The following UBE4B variants were observed in gnomAD, a reference collection of about 807,000 sequenced individuals.
UBE4B encodes ubiquitination factor E4B.
In UBE4B, 27 loss-of-function variants were observed where a neutral mutation model predicts 148.1. The observed-to-expected ratio is 0.18, with a 90% CI of 0.13 to 0.25. UBE4B has a LOEUF of 0.25. Among genes scored for constraint, UBE4B ranks in the 10% least tolerant of loss-of-function variants. The pLI is 1.00. For missense variants in UBE4B, 1,170 were observed against 1,662.4 expected, an observed-to-expected ratio of 0.70 and a Z score of 5.15; for synonymous variants, 596 against 619.3, an observed-to-expected ratio of 0.96 and a Z score of 0.56.
At chr1:10,054,890 A>C (rs57841357) in intron 1 of UBE4B, 3,868 of 150,184 alleles carry the variant, frequency 0.026, 162 homozygotes, top group African/African-American at 0.092. Flanking sequence ...GGTTCAAGCG[A>C]TTCTCCTGCC....
intron 10 of UBE4B, among the ~76,000 whole-genome samples, chr1:10,122,523 A>G (rs1161750552): frequency 6.6e-6 from 1 of 152,228 alleles, no homozygotes; most frequent in Non-Finnish European, 1.5e-5. Flanking sequence ...TCTTCTTCCC[A>G]CTAGGAAAGA....
At chr1:10,103,312 A>G (rs1253815619) in intron 5 of UBE4B, 2 of 360,066 alleles carry the variant, frequency 5.6e-6, no homozygotes, top group Non-Finnish European at 5.0e-6. Context: ...TTTCTATAAT[A>G]CTATGTAAAT....
At chr1:10,128,074 C>G (rs1236695429) in intron 11 of UBE4B, among the ~76,000 whole-genome samples, 1 of 152,126 alleles carries the variant, frequency 6.6e-6, no homozygotes, top group East Asian at 1.9e-4. Flanking sequence ...GTATTGTTCT[C>G]CCTGTGGCAG....
In UBE4B at chr1:10,161,589, A is replaced by G. The variant is rs1646161071; in HGVS notation, c.3198+303A>G. On this transcript the variant is annotated intron_variant, in intron 23 of 27. Transcript: ENST00000343090. This position sits in a 1 kb window ranked among gnomAD's most constrained non-coding sequence, Gnocchi z 4.1. The stretch of plus-strand genomic sequence containing the variant: ...TGTCTGAATATATTAATATTCATGA[A>G]CATAATTAGGAAAGAAATCTCTAGA... 6.6e-6 allele frequency among the ~76,000 whole-genome samples: 1 copy of G among 152,244 alleles called. No individual in the cohort carries two copies. Among genetic ancestry groups the G allele is most frequent in the Non-Finnish European group, 1.5e-5 (1 of 68,034 alleles).
At chr1:10,089,289 G>A (rs574015653) in intron 2 of UBE4B, among the ~76,000 whole-genome samples, 1 of 152,334 alleles carries the variant, frequency 6.6e-6, no homozygotes, top group East Asian at 1.9e-4. Context: ...ACAGGCATGA[G>A]CCACCGTGCT....
At chr1:10,176,847 G>A (rs1179123280) in intron 25 of UBE4B, among the ~76,000 whole-genome samples, 3 of 143,674 alleles carry the variant, frequency 2.1e-5, no homozygotes, top group Admixed American at 7.2e-5. Context: ...GTGCAGTGGT[G>A]CGATCTCAGC....
chr1:10,127,570 A>G (rs1485512062), intron 11 of UBE4B, among the ~76,000 whole-genome samples: 1 of 152,260 alleles, frequency 6.6e-6, no homozygotes, highest in Non-Finnish European at 1.5e-5. Context: ...TTTTCGTTGC[A>G]GAAGTGTAAA....
At chr1:10,113,027 C>T (rs551927258) in intron 7 of UBE4B, among the ~76,000 whole-genome samples, 67 of 152,252 alleles carry the variant, frequency 4.4e-4, no homozygotes, top group African/African-American at 1.3e-3. Flanking sequence ...AGTCCATTTG[C>T]ATTGCCATAC....
intron 2 of UBE4B, among the ~76,000 whole-genome samples, chr1:10,095,074 G>A (rs976446702): frequency 1.3e-5 from 2 of 152,052 alleles, no homozygotes; most frequent in African/African-American, 2.4e-5. Flanking sequence ...CCACTGCATC[G>A]GCCTGGTTTA....
chr1:10,154,649 G>C (rs1646037516), intron 21 of UBE4B, among the ~76,000 whole-genome samples: 1 of 152,130 alleles, frequency 6.6e-6, no homozygotes, highest in South Asian at 2.1e-4. Context: ...GCTTAGTCTG[G>C]CCAAAATGGT....
chr1:10,152,435 C>G (rs1249345255), intron 21 of UBE4B, among the ~76,000 whole-genome samples: 3 of 151,992 alleles, frequency 2.0e-5, no homozygotes, highest in African/African-American at 7.3e-5. Context: ...CTATGAAACT[C>G]TCATGAGAAT....
At chr1:10,179,598 G>A (rs199915203) in intron 27 of UBE4B, 36 bp downstream of exon 27, 67 of 1,607,596 alleles carry the variant, frequency 4.2e-5, no homozygotes, top group East Asian at 2.7e-4. Context: ...CAGCGCTGGC[G>A]TCAGTACCAA....
At chr1:10,082,379 T>C (rs1046924739) in intron 2 of UBE4B, among the ~76,000 whole-genome samples, 6 of 152,004 alleles carry the variant, frequency 3.9e-5, no homozygotes, top group Non-Finnish European at 8.8e-5. Context: ...TGCGCACCTG[T>C]AGGCCCAGCT....
chr1:10,100,619 A>G (rs1481205744), intron 3 of UBE4B, among the ~76,000 whole-genome samples: 3 of 152,158 alleles, frequency 2.0e-5, no homozygotes, highest in Non-Finnish European at 4.4e-5. Context: ...CAATGGTGCG[A>G]TCTCGGCTTA....
At chr1:10,149,139 A>G (rs750307034) in intron 19 of UBE4B, 45 bp from the exon 20 acceptor site, 8 of 1,392,456 alleles carry the variant, frequency 5.7e-6, no homozygotes, top group African/African-American at 1.5e-5. Context: ...AGTTTGATGT[A>G]CCATAATTTC....
rs367582496 is a variant in UBE4B at position 10,105,674 on chromosome 1, A to G, written c.739A>G (p.Thr247Ala). Residue 247 changes from threonine to alanine, a missense_variant, in exon 6 of 28, where the codon ACT (threonine) becomes GCT (alanine). Thr to Ala is a moderately conservative substitution (Grantham distance 58). Transcript: ENST00000343090. ...ACCAGACAGAAATCTCTTGCTAAAC[A>G]CTGGCTCCAATCCAGGAACAAGCCC... The part of the protein sequence containing the change: ...RSPDRNLLLN[T>A]GSNPGTSPMF... The G allele has an allele frequency of 2.5e-6, 4 of 1,614,182 alleles. No homozygotes were observed. The highest frequency in any genetic ancestry group is 4.5e-5 in the East Asian group (2 of 44,888).
chr1:10,070,270 G>A (rs1168374511), intron 1 of UBE4B, among the ~76,000 whole-genome samples: 5 of 148,148 alleles, frequency 3.4e-5, no homozygotes, highest in South Asian at 2.1e-4. Flanking sequence ...GCGAAACTCC[G>A]TCTCAGAAAA....
At chr1:10,055,076 G>A (rs541647841) in intron 1 of UBE4B, among the ~76,000 whole-genome samples, 78 of 152,192 alleles carry the variant, frequency 5.1e-4, no homozygotes, top group African/African-American at 1.8e-3. Flanking sequence ...GTGAGCCACC[G>A]CACCCGGCGT....
intron 7 of UBE4B, among the ~76,000 whole-genome samples, chr1:10,113,936 G>A (rs1170366611): frequency 1.3e-5 from 2 of 151,948 alleles, no homozygotes; most frequent in Non-Finnish European, 2.9e-5. Flanking sequence ...ATGGTGGCGT[G>A]TGCCTGTAGT....
Sources: gnomAD v4.1 joint callset for allele counts (sites outside exome capture counted in the v4.1 genomes callset) on GRCh38, gnomAD v4.1.1 for gene constraint, Gnocchi (gnomAD v3.1) non-coding constraint, MANE v1.5 for transcripts, NCBI Gene and HGNC (gene_info 2026-07-23, HGNC 2026-07-21) for gene names.